ATP9B: variants seen among roughly 807,000 people sequenced by gnomAD.
ATP9B encodes probable phospholipid-transporting ATPase IIB.
In ATP9B, 110 loss-of-function variants were observed where a neutral mutation model predicts 146.1. That is an observed-to-expected ratio of 0.75 (90% CI 0.65 to 0.88). ATP9B has a LOEUF of 0.88. Among genes scored for constraint, ATP9B ranks in the 40% least tolerant of loss-of-function variants. The probability of loss-of-function intolerance (pLI) is 0.00; values close to 1 mark genes in which losing one functional copy is unlikely to be tolerated. For missense variants in ATP9B, 1,499 were observed against 1,496.4 expected (o/e 1.00, Z -0.03); for synonymous variants, 604 against 569.7 (o/e 1.06, Z -0.86).
At position 79,373,888 on chromosome 18, in the gene ATP9B, T is replaced by C; in HGVS notation, c.3071-10T>C. On this transcript the variant is annotated splice_polypyrimidine_tract_variant and intron_variant, in intron 27 of 29. Transcript: ENST00000426216. Reference sequence around the variant, plus strand: ...TCGTGTGCATGGAAAAAGCTCCTGCTGTTTTTCAGGCGGCATCCTCATGTA... The same window carrying C: ...TCGTGTGCATGGAAAAAGCTCCTGCCGTTTTTCAGGCGGCATCCTCATGTA... 1 of 1,612,516 alleles carries C rather than the reference T, an allele frequency of 6.2e-7. No individual in the cohort carries two copies. The highest frequency in any genetic ancestry group is 8.5e-7 in the Non-Finnish European group (1 of 1,180,020).
intron 5 of ATP9B, among the ~76,000 whole-genome samples, chr18:79,133,867 T>G (rs1245132046): frequency 1.3e-5 from 2 of 152,192 alleles, no homozygotes; most frequent in East Asian, 1.9e-4. Flanking sequence ...TGATGGGACT[T>G]TACTGGCGGC....
intron 25 of ATP9B, among the ~76,000 whole-genome samples, chr18:79,355,859 GA>G: frequency 6.6e-6 from 1 of 152,200 alleles, no homozygotes; most frequent in Non-Finnish European, 1.5e-5. Flanking sequence ...CAAACCCATT[GA>G]AAGCAGCCAG....
chr18:79,245,550 A>AGGAGGGCACCACCCTACTGACTGTGC (rs1568482422), intron 11 of ATP9B, among the ~76,000 whole-genome samples: 1 of 85,910 alleles, frequency 1.2e-5, no homozygotes, highest in African/African-American at 5.9e-5. Context: ...CTACTGACTG[A>AGGAGGGCACCACCCTACTGACTGTGC]GGAGGGCACC....
chr18:79,072,017 CA>C (rs2071907036), intron 1 of ATP9B, among the ~76,000 whole-genome samples: 1 of 151,336 alleles, frequency 6.6e-6, no homozygotes, highest in South Asian at 2.1e-4. Context: ...TTTGGATTTC[CA>C]GTGTTAAGAA....
rs56408063 is a variant in ATP9B, at chr18:79,163,869, TACACACACAC to T, written c.778+9342_778+9351del. On this transcript the variant is annotated intron_variant, in intron 7 of 29. Transcript: ENST00000426216. ...TATTTTATTTTCATATTTTATTTTATACACACACACACACACACACACACACACACACACA... is the reference window on the plus strand; with the variant it reads ...TATTTTATTTTCATATTTTATTTTATACACACACACACACACACACACACA... Among the ~76,000 whole-genome samples the T allele has an allele frequency of 2.0e-4, 28 of 142,782 alleles. 1 individual carries two copies. The highest frequency in any genetic ancestry group is 4.1e-4 in the East Asian group (2 of 4,876). 93.7% of individuals were successfully genotyped at this position (142,782 alleles called of 152,430 possible). A position where few individuals can be genotyped will look rare whatever the true frequency, so the allele number is the denominator to read the frequency against.
chr18:79,142,805 T>C (rs571558691), intron 5 of ATP9B, among the ~76,000 whole-genome samples: 11 of 152,302 alleles, frequency 7.2e-5, no homozygotes, highest in Non-Finnish European at 1.3e-4. Context: ...TTAGGAACAG[T>C]GTGATACTAC....
chr18:79,143,937 A>G, intron 6 of ATP9B, 77 bp downstream of exon 6: 1 of 843,956 alleles, frequency 1.2e-6, no homozygotes, highest in Non-Finnish European at 1.8e-6. Context: ...GTAACTTCTG[A>G]ATTTGAAAGA....
At chr18:79,343,640 A>G (rs2096870231) in intron 20 of ATP9B, 1 of 153,166 alleles carries the variant, frequency 6.5e-6, no homozygotes, top group African/African-American at 2.4e-5. Context: ...ATGTATTTAC[A>G]TAACACCTTG....
chr18:79,140,335 G>A (rs1038650445), intron 5 of ATP9B, among the ~76,000 whole-genome samples: 1 of 151,994 alleles, frequency 6.6e-6, no homozygotes, highest in East Asian at 1.9e-4. Context: ...GGAATTTTTT[G>A]GGGGGGAATT....
chr18:79,073,574 G>A (rs1195499616), intron 1 of ATP9B, among the ~76,000 whole-genome samples: 1 of 152,184 alleles, frequency 6.6e-6, no homozygotes, highest in African/African-American at 2.4e-5. Flanking sequence ...CCAAGATTGC[G>A]GCAGTACAGT....
intron 5 of ATP9B, among the ~76,000 whole-genome samples, chr18:79,132,379 A>G (rs965347034): frequency 1.3e-5 from 2 of 152,340 alleles, no homozygotes; most frequent in Non-Finnish European, 2.9e-5. Context: ...ACGAGTTCTC[A>G]TATCCAGCAT....
chr18:79,119,363 A>G (rs1412188736), intron 4 of ATP9B, among the ~76,000 whole-genome samples: 2 of 152,130 alleles, frequency 1.3e-5, no homozygotes, highest in African/African-American at 4.8e-5. Flanking sequence ...AGACGAGAAA[A>G]CGTTTCTCTG....
chr18:79,371,384 A>C (rs1434640627), intron 26 of ATP9B, among the ~76,000 whole-genome samples: 1 of 150,624 alleles, frequency 6.6e-6, no homozygotes, highest in Admixed American at 6.6e-5. Flanking sequence ...AAAAAAAAAA[A>C]AAAAAAAAAA....
intron 2 of ATP9B, among the ~76,000 whole-genome samples, chr18:79,101,198 C>T (rs901002676): frequency 6.6e-6 from 1 of 152,062 alleles, no homozygotes. Flanking sequence ...CCACAGGGAG[C>T]TTCCTGTGCC....
rs767914820 is a variant in ATP9B at position 79,096,602 on chromosome 18, A to G, written c.246A>G (p.Arg82=). ...LPRARIMQRK[R]GLEWFVCDGW... Reference sequence around the variant, plus strand: ...GAGCCAGGATAATGCAAAGGAAAAGAGGACTGGAGTGGTTTGTCTGTGATG... The same window carrying G: ...GAGCCAGGATAATGCAAAGGAAAAGGGGACTGGAGTGGTTTGTCTGTGATG... Residue 82 remains arginine, a synonymous_variant, in exon 2 of 30, where the codon AGA becomes AGG. Coordinates refer to ENST00000426216, the MANE Select transcript of ATP9B (RefSeq NM_198531.5). 14 of 1,613,956 alleles carry G rather than the reference A, an allele frequency of 8.7e-6. No homozygotes were observed. In the East Asian group the frequency reaches 2.2e-4, roughly 26 times the overall value.
intron 1 of ATP9B, among the ~76,000 whole-genome samples, chr18:79,091,959 G>A (rs2074358052): frequency 6.6e-6 from 1 of 152,120 alleles, no homozygotes; most frequent in East Asian, 1.9e-4. Context: ...AGGACTTTTA[G>A]ATCTTAGTGG....
At chr18:79,283,999 A>G (rs573332324) in intron 13 of ATP9B, among the ~76,000 whole-genome samples, 2 of 152,316 alleles carry the variant, frequency 1.3e-5, no homozygotes, top group African/African-American at 4.8e-5. Flanking sequence ...AAAAACACCC[A>G]CTAAAACAAC....
intron 8 of ATP9B, among the ~76,000 whole-genome samples, chr18:79,181,266 C>T (rs1351785458): frequency 2.0e-5 from 3 of 152,056 alleles, no homozygotes; most frequent in Admixed American, 6.5e-5. Flanking sequence ...TTTCTGTGGG[C>T]GTTTGGAAAG....
intron 11 of ATP9B, among the ~76,000 whole-genome samples, chr18:79,244,319 T>C (rs2095919734): frequency 6.6e-6 from 1 of 152,222 alleles, no homozygotes; most frequent in Non-Finnish European, 1.5e-5. Flanking sequence ...CCCATCTATT[T>C]TTCTCTTCTG....
Sources: gnomAD v4.1 joint callset for allele counts (sites outside exome capture counted in the v4.1 genomes callset) on GRCh38, gnomAD v4.1.1 for gene constraint, MANE v1.5 for transcripts, NCBI Gene and HGNC (gene_info 2026-07-23, HGNC 2026-07-21) for gene names.